The following TRABD2A variants were observed in gnomAD, a reference collection of about 807,000 sequenced individuals.
TRABD2A encodes the protein TraB domain containing 2A.
In TRABD2A, 43 loss-of-function variants were observed where a neutral mutation model predicts 45.6. That is an observed-to-expected ratio of 0.94 (90% confidence interval 0.74 to 1.22). The LOEUF (loss-of-function observed/expected upper bound fraction) is 1.22. Among genes scored for constraint, TRABD2A ranks in the 50% most tolerant of loss-of-function variants. The pLI is 0.00. For missense variants in TRABD2A, 642 were observed against 652.4 expected, an observed-to-expected ratio of 0.98 and a Z score of 0.17; for synonymous variants, 269 against 265.0, an observed-to-expected ratio of 1.02 and a Z score of -0.15.
chr2:84,840,748 C>T (rs529835875), intron 3 of TRABD2A, among the ~76,000 whole-genome samples: 3 of 152,212 alleles, frequency 2.0e-5, no homozygotes, highest in Non-Finnish European at 4.4e-5. Flanking sequence ...TTTATCACCA[C>T]CACCAACTCT....
chr2:84,859,529 A>G (rs1470759781), intron 2 of TRABD2A, among the ~76,000 whole-genome samples: 1 of 152,250 alleles, frequency 6.6e-6, no homozygotes, highest in African/African-American at 2.4e-5. Flanking sequence ...ATGGAAGCAA[A>G]TGAATAACTT....
rs552346046 is a variant in TRABD2A at position 84,842,701 on chromosome 2, G to A, written c.670-694C>T. 4.0e-5 allele frequency among the ~76,000 whole-genome samples: 6 copies of A among 150,124 alleles called. No homozygotes were observed. In the South Asian group the frequency reaches 1.1e-3, roughly 27 times the overall value. ...CCAAGATTGTGCCATTGTACTCCAG[G>A]CTGGATGACAGTGAGACTCTGTCTC... On this transcript the variant is annotated intron_variant, in intron 2 of 6. Coordinates refer to ENST00000409520, the MANE Select transcript of TRABD2A (RefSeq NM_001277053.2).
At chr2:84,838,550 T>C (rs894612892) in intron 4 of TRABD2A, among the ~76,000 whole-genome samples, 6 of 152,176 alleles carry the variant, frequency 3.9e-5, no homozygotes, top group African/African-American at 1.2e-4. Flanking sequence ...CAGAAAAATA[T>C]GAAACAAAGC....
intron 1 of TRABD2A, among the ~76,000 whole-genome samples, chr2:84,876,431 T>C (rs1159327698): frequency 2.0e-5 from 3 of 152,202 alleles, no homozygotes; most frequent in African/African-American, 7.2e-5. Flanking sequence ...AGGAGGCCGA[T>C]TGAAGAAAGT....
chr2:84,854,873 G>A (rs1305135705), intron 2 of TRABD2A, among the ~76,000 whole-genome samples: 1 of 152,040 alleles, frequency 6.6e-6, no homozygotes, highest in East Asian at 1.9e-4. Context: ...GTCCACCTCT[G>A]GGGAAAAGCT....
intron 1 of TRABD2A, 151 bp downstream of exon 1, chr2:84,880,781 A>C (rs1228544705): frequency 2.5e-6 from 3 of 1,194,642 alleles, no homozygotes; most frequent in Non-Finnish European, 2.3e-6. Context: ...CACGGAGAGG[A>C]GAGCGAGCAA....
intron 1 of TRABD2A, chr2:84,879,658 A>G (rs1311367283): frequency 9.3e-6 from 9 of 966,366 alleles, no homozygotes; most frequent in Non-Finnish European, 1.2e-6. Flanking sequence ...TCTTGTGAGG[A>G]GATGGACTCC....
chr2:84,848,959 AG>A (rs1681995629), intron 2 of TRABD2A, among the ~76,000 whole-genome samples: 1 of 152,180 alleles, frequency 6.6e-6, no homozygotes, highest in African/African-American at 2.4e-5. Context: ...CTGTTTCTGA[AG>A]GAAATGCAGC....
intron 2 of TRABD2A, among the ~76,000 whole-genome samples, chr2:84,865,434 G>A (rs1477479200): frequency 2.0e-5 from 3 of 152,230 alleles, no homozygotes; most frequent in Admixed American, 2.0e-4. Flanking sequence ...CAACTCTGGG[G>A]TTTGCAAAAG....
At chr2:84,852,890 G>A (rs1341358471) in intron 2 of TRABD2A, among the ~76,000 whole-genome samples, 1 of 151,996 alleles carries the variant, frequency 6.6e-6, no homozygotes, top group Non-Finnish European at 1.5e-5. Context: ...AGCCCAGGAG[G>A]GTAAAGGTCA....
chr2:84,823,018 T>TTCAC (rs1681042648), intron 6 of TRABD2A, among the ~76,000 whole-genome samples: 1 of 152,158 alleles, frequency 6.6e-6, no homozygotes, highest in Non-Finnish European at 1.5e-5. Flanking sequence ...TATTCAGTTG[T>TTCAC]TCACTCACTC....
At chr2:84,856,125 G>A (rs746590615) in intron 2 of TRABD2A, among the ~76,000 whole-genome samples, 30 of 152,094 alleles carry the variant, frequency 2.0e-4, no homozygotes, top group Non-Finnish European at 4.0e-4. Context: ...GAGCCATTCA[G>A]TCCCTTGAAG....
chr2:84,829,352 G>A (rs2105372283), intron 5 of TRABD2A, among the ~76,000 whole-genome samples: 1 of 129,798 alleles, frequency 7.7e-6, no homozygotes, highest in East Asian at 2.0e-4. Context: ...GGGAGCCTGG[G>A]AACAACCAGC....
chr2:84,870,633 C>G lies in TRABD2A; in HGVS notation c.261G>C (p.Glu87Asp). Residue 87 changes from glutamate (E) to aspartate (D), a missense_variant, in exon 2 of 7, where the codon GAG (glutamate) becomes GAC (aspartate). Coordinates refer to ENST00000409520, the MANE Select transcript of TRABD2A (RefSeq NM_001277053.2). Reference protein sequence around the residue: ...AFLQSSIVYFELDLTDPYTIS... With the variant: ...AFLQSSIVYFDLDLTDPYTIS... ...TGGTATAGGGGTCTGTGAGATCCAA[C>G]TCAAAGTACACAATGCTGCTCTGCA... is the stretch of plus-strand genomic sequence containing the variant. 5.0e-6 allele frequency: 8 copies of G among 1,612,772 alleles called. No individual in the cohort carries two copies. Among genetic ancestry groups the G allele is most frequent in the Non-Finnish European group, 5.9e-6 (7 of 1,179,406 alleles).
rs1156361017 is a variant in TRABD2A at position 84,830,689 on chromosome 2, G to C, written c.1082+1366C>G. ...GAAAGTGCTCTGTGAAGGGCGGTCA[G>C]TATTGACATACTGAATACAGGGCAT... On this transcript the variant is annotated intron_variant, in intron 5 of 6. Coordinates refer to ENST00000409520, the MANE Select transcript of TRABD2A (RefSeq NM_001277053.2). The surrounding 1 kb of genome is among the most constrained non-coding windows in gnomAD (Gnocchi z 4.9). Among the ~76,000 whole-genome samples, 7 of 152,174 alleles carry C rather than the reference G, an allele frequency of 4.6e-5. No homozygotes were observed. Among genetic ancestry groups the C allele is most frequent in the Non-Finnish European group, 8.8e-5 (6 of 68,038 alleles).
chr2:84,822,096 T>G lies in TRABD2A; in HGVS notation c.1339A>C (p.Ile447Leu). The G allele has an allele frequency of 6.4e-7, 1 of 1,568,748 alleles. No individual in the cohort carries two copies. The highest frequency in any genetic ancestry group is 8.7e-7 in the Non-Finnish European group (1 of 1,155,776). ...ACAGGGACCTGGAGTTGCGGGACTA[T>G]GTCACTAGGAGGCAAAGAGAAAGAC... ...DLWVRLEESD[I>L]VPQLQVPVLD... The change falls in exon 7 of 7, where the codon ATA (isoleucine) becomes CTA (leucine). Residue 447 changes from isoleucine to leucine, a missense_variant. Transcript: ENST00000409520.
intron 5 of TRABD2A, among the ~76,000 whole-genome samples, chr2:84,827,639 T>TCAC (rs1681189386): frequency 1.3e-5 from 2 of 152,348 alleles, no homozygotes; most frequent in Admixed American, 6.5e-5. Context: ...ACACATTACC[T>TCAC]TACACGGTAA....
intron 5 of TRABD2A, among the ~76,000 whole-genome samples, chr2:84,827,079 A>G (rs1246385295): frequency 6.6e-6 from 1 of 152,140 alleles, no homozygotes; most frequent in Non-Finnish European, 1.5e-5. Context: ...TCCATCATAG[A>G]GCCTCTGGGC....
At chr2:84,847,495 T>A (rs1681937879) in intron 2 of TRABD2A, among the ~76,000 whole-genome samples, 1 of 152,150 alleles carries the variant, frequency 6.6e-6, no homozygotes, top group Admixed American at 6.5e-5. Context: ...CTCACATGAA[T>A]CAGCTGAACA....
Sources: gnomAD v4.1 joint callset for allele counts (sites outside exome capture counted in the v4.1 genomes callset) on GRCh38, gnomAD v4.1.1 for gene constraint, Gnocchi (gnomAD v3.1) non-coding constraint, MANE v1.5 for transcripts, NCBI Gene and HGNC (gene_info 2026-07-23, HGNC 2026-07-21) for gene names.